Variants in PMFBP1 observed in about 807,000 individuals in gnomAD.
The protein encoded by PMFBP1 is polyamine modulated factor 1 binding protein 1.
Under a neutral mutation model 137.8 loss-of-function variants are expected in PMFBP1, and 131 were observed. The ratio of observed to expected loss-of-function variants is 0.95; its 90% confidence interval spans 0.82 to 1.10. The LOEUF (loss-of-function observed/expected upper bound fraction) is 1.10. Ranked by LOEUF, PMFBP1 falls within the 50% of genes least tolerant of loss-of-function variation. The pLI, the probability that PMFBP1 is intolerant of heterozygous loss-of-function variation, is 0.00. For missense variants in PMFBP1, 1,199 were observed against 1,175.4 expected (o/e 1.02, Z -0.29); for synonymous variants, 490 against 450.4 (o/e 1.09, Z -1.11).
chr16:72,228,734 A>T, the PMFBP1 span, among the ~76,000 whole-genome samples: 1 of 152,188 alleles, frequency 6.6e-6, no homozygotes, highest in Non-Finnish European at 1.5e-5. Context: ...TTACTGGGTC[A>T]AAAGGATGAC....
At chr16:72,194,163 C>G in the PMFBP1 span, among the ~76,000 whole-genome samples, 1 of 152,134 alleles carries the variant, frequency 6.6e-6, no homozygotes, top group East Asian at 1.9e-4. Flanking sequence ...ACCATGTTTT[C>G]AAGTATTCCC....
intron 3 of PMFBP1, among the ~76,000 whole-genome samples, chr16:72,162,364 C>T (rs143086046): frequency 2.0e-5 from 3 of 152,262 alleles, no homozygotes; most frequent in Admixed American, 6.5e-5. Flanking sequence ...AAGGTCATGC[C>T]GTTTTCTTTT....
intron 3 of PMFBP1, among the ~76,000 whole-genome samples, chr16:72,157,762 C>G (rs2043004381): frequency 6.6e-6 from 1 of 152,134 alleles, no homozygotes; most frequent in Admixed American, 6.5e-5. Context: ...CAGGCAAAGA[C>G]AGAAAGACCA....
the PMFBP1 span, among the ~76,000 whole-genome samples, chr16:72,219,120 TA>T: frequency 1.3e-5 from 2 of 152,372 alleles, no homozygotes; most frequent in East Asian, 1.9e-4. Context: ...CTCACATACT[TA>T]TTTTTTTGTG....
chr16:72,217,554 CT>C, the PMFBP1 span, among the ~76,000 whole-genome samples: 1 of 152,124 alleles, frequency 6.6e-6, no homozygotes, highest in Non-Finnish European at 1.5e-5. Context: ...CACTTCATAA[CT>C]TTTAAAAGTC....
intron 5 of PMFBP1, among the ~76,000 whole-genome samples, chr16:72,148,479 C>T (rs983068475): frequency 2.0e-5 from 3 of 152,052 alleles, no homozygotes; most frequent in East Asian, 1.9e-4. Context: ...TGTAACAAAC[C>T]TGCACGTTGT....
At chr16:72,117,329 C>A (rs1228844166), downstream of PMFBP1, among the ~76,000 whole-genome samples, 6 of 152,020 alleles carry the variant, frequency 3.9e-5, no homozygotes, top group Admixed American at 2.6e-4. Flanking sequence ...TATAAACCTG[C>A]AACTCATTTT....
At chr16:72,120,738 T>C (rs1460613892) in intron 19 of PMFBP1, among the ~76,000 whole-genome samples, 1 of 152,196 alleles carries the variant, frequency 6.6e-6, no homozygotes, top group African/African-American at 2.4e-5. Flanking sequence ...CAAACTAATG[T>C]TGAGGGCAGT....
chr16:72,218,293 G>T, the PMFBP1 span, among the ~76,000 whole-genome samples: 6 of 152,118 alleles, frequency 3.9e-5, no homozygotes, highest in Non-Finnish European at 8.8e-5. Context: ...GAAATGCCTT[G>T]AAAAACTATA....
At chr16:72,186,060 G>A in the PMFBP1 span, among the ~76,000 whole-genome samples, 9 of 152,282 alleles carry the variant, frequency 5.9e-5, no homozygotes, top group South Asian at 6.2e-4. Flanking sequence ...GCTAGGAGGG[G>A]TCCACCCATC....
At chr16:72,192,558 G>C in the PMFBP1 span, among the ~76,000 whole-genome samples, 2 of 152,142 alleles carry the variant, frequency 1.3e-5, no homozygotes, top group African/African-American at 4.8e-5. Context: ...TCTAAGGGAA[G>C]AATAGAATAA....
chr16:72,176,050 A>C (rs1461047858), upstream of PMFBP1, among the ~76,000 whole-genome samples: 2 of 152,032 alleles, frequency 1.3e-5, no homozygotes, highest in Non-Finnish European at 2.9e-5. Flanking sequence ...GTAGGGGGAG[A>C]TGGTATGAGG....
the PMFBP1 span, among the ~76,000 whole-genome samples, chr16:72,206,610 C>T: frequency 6.6e-6 from 1 of 152,226 alleles, no homozygotes; most frequent in African/African-American, 2.4e-5. Context: ...GAGCTAAGGC[C>T]CCAGGAGGTT....
chr16:72,222,410 T>C, the PMFBP1 span, among the ~76,000 whole-genome samples: 1 of 152,202 alleles, frequency 6.6e-6, no homozygotes, highest in Admixed American at 6.5e-5. Context: ...TTCTATCTCT[T>C]ATTTCCACAA....
chr16:72,161,516 T>C (rs1293979041), intron 3 of PMFBP1, among the ~76,000 whole-genome samples: 1 of 152,154 alleles, frequency 6.6e-6, no homozygotes, highest in Non-Finnish European at 1.5e-5. Flanking sequence ...CTTTCTGACG[T>C]AGACATTCTT....
chr16:72,120,169 G>T (rs571178495), intron 19 of PMFBP1, 80 bp from the exon 20 acceptor site: 1 of 1,601,240 alleles, frequency 6.2e-7, no homozygotes, highest in East Asian at 2.2e-5. Context: ...ACAGATAAAG[G>T]TGTCACAGGG....
intron 9 of PMFBP1, among the ~76,000 whole-genome samples, chr16:72,134,452 G>A (rs1466341687): frequency 5.3e-5 from 8 of 152,196 alleles, no homozygotes; most frequent in Non-Finnish European, 1.0e-4. Context: ...CCAAAGTTCT[G>A]AGATCACAGG....
rs546122660 is a variant in PMFBP1 at position 72,119,441 on chromosome 16, G to C, written c.3008-87C>G. ...CAAGGGCTGGCCGCATGGCCAGGCA[G>C]CTCTGCTGCAGGGTGACTTCTTGCC... On this transcript the variant is annotated intron_variant, in intron 20 of 20. Transcript: ENST00000237353. 6.2e-6 allele frequency: 10 copies of C among 1,611,108 alleles called. No homozygotes were observed. The East Asian group carries it at 2.2e-4, about 36-fold the overall frequency.
At chr16:72,220,317 A>C in the PMFBP1 span, among the ~76,000 whole-genome samples, 1 of 152,240 alleles carries the variant, frequency 6.6e-6, no homozygotes, top group Admixed American at 6.5e-5. Flanking sequence ...AAATTATGAC[A>C]CATCTGCTAG....
Sources: gnomAD v4.1 joint callset for allele counts (sites outside exome capture counted in the v4.1 genomes callset) on GRCh38, gnomAD v4.1.1 for gene constraint, MANE v1.5 for transcripts, NCBI Gene and HGNC (gene_info 2026-07-23, HGNC 2026-07-21) for gene names.